The following ZBBX variants were observed in gnomAD, a reference collection of about 807,000 sequenced individuals.
ZBBX encodes the protein zinc finger B-box domain-containing protein 1.
Under a neutral mutation model 108.5 loss-of-function variants are expected in ZBBX, and 101 were observed. The observed-to-expected ratio is 0.93, with a 90% CI of 0.79 to 1.10. The LOEUF (loss-of-function observed/expected upper bound fraction) is 1.10, where lower values mean the gene tolerates loss of function less well. Ranked by LOEUF, ZBBX falls within the 50% of genes least tolerant of loss-of-function variation. The pLI, the probability that ZBBX is intolerant of heterozygous loss-of-function variation, is 0.00. For missense variants in ZBBX, 1,009 were observed against 941.4 expected (o/e 1.07, Z -0.94); for synonymous variants, 356 against 323.4 (o/e 1.10, Z -1.08).
At chr3:167,354,287 C>T (rs1743164256) in intron 8 of ZBBX, among the ~76,000 whole-genome samples, 1 of 151,742 alleles carries the variant, frequency 6.6e-6, no homozygotes, top group Admixed American at 6.6e-5. Context: ...TGAATACATA[C>T]TGTTTTTACA....
the ZBBX span, among the ~76,000 whole-genome samples, chr3:167,231,685 T>C: frequency 6.6e-6 from 1 of 151,842 alleles, no homozygotes; most frequent in Non-Finnish European, 1.5e-5. Context: ...CATGACAGTA[T>C]GCTGTCCCTT....
At chr3:167,385,737 C>T (rs1171631222) in intron 1 of ZBBX, among the ~76,000 whole-genome samples, 1 of 151,944 alleles carries the variant, frequency 6.6e-6, no homozygotes, top group Non-Finnish European at 1.5e-5. Context: ...AAGCCCTACA[C>T]AGAGTCAGGA....
chr3:167,216,466 A>T, the ZBBX span, among the ~76,000 whole-genome samples: 1 of 152,152 alleles, frequency 6.6e-6, no homozygotes, highest in Non-Finnish European at 1.5e-5. Flanking sequence ...ACTCAAAGAA[A>T]TCAAAGAAGA....
intron 17 of ZBBX, among the ~76,000 whole-genome samples, chr3:167,301,909 A>G (rs1308431497): frequency 7.0e-6 from 1 of 143,096 alleles, no homozygotes; most frequent in Non-Finnish European, 1.5e-5. Flanking sequence ...GTGAGCCACG[A>G]TGGCACCACT....
intron 6 of ZBBX, among the ~76,000 whole-genome samples, chr3:167,363,144 C>T (rs1744791605): frequency 6.6e-6 from 1 of 151,970 alleles, no homozygotes. Context: ...CTTATCTCTT[C>T]CTTCTGATGC....
the ZBBX span, among the ~76,000 whole-genome samples, chr3:167,195,834 A>C: frequency 6.6e-6 from 1 of 152,204 alleles, no homozygotes; most frequent in Non-Finnish European, 1.5e-5. Flanking sequence ...CTGTCACAAG[A>C]GTTTACACCG....
intron 20 of ZBBX, among the ~76,000 whole-genome samples, chr3:167,275,415 G>T (rs1378820967): frequency 6.6e-6 from 1 of 152,110 alleles, no homozygotes; most frequent in Non-Finnish European, 1.5e-5. Flanking sequence ...CAGGTCAGTG[G>T]GTGCGCGCAC....
intron 12 of ZBBX, among the ~76,000 whole-genome samples, chr3:167,321,601 A>G (rs2108320691): frequency 6.6e-6 from 1 of 152,168 alleles, no homozygotes; most frequent in Middle Eastern, 3.4e-3. Context: ...TCAGAAATAC[A>G]GAATCTCAGG....
chr3:167,363,760 G>A (rs1347183418), intron 6 of ZBBX, among the ~76,000 whole-genome samples: 1 of 152,060 alleles, frequency 6.6e-6, no homozygotes, highest in Non-Finnish European at 1.5e-5. Flanking sequence ...CATGCTGGCT[G>A]CAACAATAGT....
chr3:167,330,500 G>T (rs1401438396), intron 10 of ZBBX, among the ~76,000 whole-genome samples: 1 of 152,052 alleles, frequency 6.6e-6, no homozygotes, highest in Non-Finnish European at 1.5e-5. Context: ...AACCCCCAAT[G>T]TGACTACATT....
At chr3:167,329,796 G>T (rs1738105063) in intron 10 of ZBBX, among the ~76,000 whole-genome samples, 1 of 152,166 alleles carries the variant, frequency 6.6e-6, no homozygotes, top group African/African-American at 2.4e-5. Context: ...GCTGCACAGA[G>T]GAGCTTAAAC....
chr3:167,268,729 T>C (rs999744038), intron 20 of ZBBX, among the ~76,000 whole-genome samples: 1 of 152,044 alleles, frequency 6.6e-6, no homozygotes, highest in African/African-American at 2.4e-5. Flanking sequence ...AATTAGAAAA[T>C]TGGGAAGACC....
the ZBBX span, among the ~76,000 whole-genome samples, chr3:167,197,320 C>T: frequency 2.6e-5 from 4 of 152,236 alleles, no homozygotes; most frequent in Admixed American, 6.5e-5. Context: ...GGGCAGATCA[C>T]GAGGTCAGAA....
chr3:167,313,909 T>C (rs959979811), intron 16 of ZBBX, 65 bp downstream of exon 16: 10 of 1,383,652 alleles, frequency 7.2e-6, no homozygotes, highest in Non-Finnish European at 8.6e-6. Context: ...AAAGCTTTTA[T>C]AGACTGCAAT....
chr3:167,267,183 T>TG (rs1725673200), intron 20 of ZBBX, among the ~76,000 whole-genome samples: 1 of 152,186 alleles, frequency 6.6e-6, no homozygotes, highest in African/African-American at 2.4e-5. Flanking sequence ...GGTGGCCCTT[T>TG]GGGGGTCCCG....
At chr3:167,296,697 T>A (rs948916948) in intron 18 of ZBBX, among the ~76,000 whole-genome samples, 4 of 151,952 alleles carry the variant, frequency 2.6e-5, no homozygotes, top group African/African-American at 9.7e-5. Flanking sequence ...CAATGAAAAC[T>A]ATAAAACATT....
intron 20 of ZBBX, among the ~76,000 whole-genome samples, chr3:167,272,663 T>C (rs971598130): frequency 1.3e-5 from 2 of 152,204 alleles, no homozygotes; most frequent in Non-Finnish European, 2.9e-5. Flanking sequence ...CCCCAAGTTA[T>C]TACATTTGAC....
At chr3:167,204,609 T>C in the ZBBX span, among the ~76,000 whole-genome samples, 1 of 149,810 alleles carries the variant, frequency 6.7e-6, no homozygotes, top group Non-Finnish European at 1.5e-5. Flanking sequence ...CCATGGTGTA[T>C]ATGTGCCACA....
intron 9 of ZBBX, among the ~76,000 whole-genome samples, chr3:167,335,760 T>C (rs945227417): frequency 6.6e-6 from 1 of 151,906 alleles, no homozygotes; most frequent in Non-Finnish European, 1.5e-5. Flanking sequence ...ACTAGTGTTA[T>C]TTCATACTGA....
Sources: gnomAD v4.1 joint callset for allele counts (sites outside exome capture counted in the v4.1 genomes callset) on GRCh38, gnomAD v4.1.1 for gene constraint, MANE v1.5 for transcripts, NCBI Gene and HGNC (gene_info 2026-07-23, HGNC 2026-07-21) for gene names.